Variants in LRRN2 observed in about 807,000 individuals in gnomAD.
LRRN2 encodes the protein leucine rich repeat neuronal 2.
A neutral mutation model predicts 35.7 loss-of-function variants in LRRN2; 10 were observed. The ratio of observed to expected loss-of-function variants is 0.28; its 90% CI spans 0.17 to 0.47. The LOEUF is 0.47. LRRN2 is among the 20% of genes least tolerant of loss of function. The pLI, the probability that LRRN2 is intolerant of heterozygous loss-of-function variation, is 0.99. For missense variants in LRRN2, 731 were observed against 940.3 expected, an observed-to-expected ratio of 0.78 and a Z score of 2.91; for synonymous variants, 391 against 409.6, an observed-to-expected ratio of 0.95 and a Z score of 0.55.
At chr1:204,677,305 T>C (rs1395669397) in intron 1 of LRRN2, among the ~76,000 whole-genome samples, 1 of 152,072 alleles carries the variant, frequency 6.6e-6, no homozygotes, top group Non-Finnish European at 1.5e-5. Context: ...CCCTTTCTCA[T>C]GGGGGCTGGG....
Position 204,635,926 on chromosome 1 carries a change from C to T in LRRN2, c.-226-15708G>A, listed in dbSNP as rs561942633. 4.6e-5 allele frequency among the ~76,000 whole-genome samples: 7 copies of T among 152,326 alleles called. No individual in the cohort carries two copies. The East Asian group carries it at 1.3e-3, about 29-fold the overall frequency. On this transcript the variant is annotated intron_variant, in intron 1 of 1. Coordinates refer to ENST00000367177, the MANE Select transcript of LRRN2 (RefSeq NM_201630.2). ...TGAGCATCTGTTGGCACATCGCCCTCACAGGGACAGGCAACAGCAGCAGCA... is the reference window on the plus strand; with the variant it reads ...TGAGCATCTGTTGGCACATCGCCCTTACAGGGACAGGCAACAGCAGCAGCA...
At chr1:204,633,827 T>C (rs1324516602) in intron 1 of LRRN2, among the ~76,000 whole-genome samples, 4 of 152,252 alleles carry the variant, frequency 2.6e-5, no homozygotes, top group South Asian at 4.1e-4. Flanking sequence ...TCAAGCTCCG[T>C]TGGGCCTGGG....
intron 1 of LRRN2, among the ~76,000 whole-genome samples, chr1:204,639,297 G>C (rs1036946234): frequency 4.6e-5 from 7 of 152,212 alleles, no homozygotes; most frequent in Non-Finnish European, 1.0e-4. Flanking sequence ...CTCCAGACAT[G>C]TACAGAGAAA....
At chr1:204,652,102 G>GA (rs1354312064) in intron 1 of LRRN2, among the ~76,000 whole-genome samples, 15 of 152,164 alleles carry the variant, frequency 9.9e-5, no homozygotes, top group African/African-American at 3.1e-4. Context: ...AGGAGGCTGG[G>GA]AAGCAGAGAA....
intron 1 of LRRN2, among the ~76,000 whole-genome samples, chr1:204,649,319 G>A (rs1668174788): frequency 6.6e-6 from 1 of 152,182 alleles, no homozygotes; most frequent in Admixed American, 6.5e-5. Context: ...TAGACTGTGA[G>A]GTCCTAGAGG....
At chr1:204,640,760 G>A (rs768807021) in intron 1 of LRRN2, among the ~76,000 whole-genome samples, 16 of 152,056 alleles carry the variant, frequency 1.1e-4, no homozygotes, top group Non-Finnish European at 1.9e-4. Context: ...CAACAGCTGC[G>A]GCCACTAGGT....
chr1:204,619,380 G>A lies in LRRN2; in HGVS notation c.613C>T (p.Leu205=), dbSNP rs746954547. 1.9e-6 allele frequency: 3 copies of A among 1,614,242 alleles called. No homozygotes were observed. Among genetic ancestry groups the A allele is most frequent in the Non-Finnish European group, 2.5e-6 (3 of 1,180,054 alleles). Residue 205 remains leucine, a synonymous_variant, in exon 2 of 2, where the codon CTG becomes TTG. Coordinates refer to ENST00000367177, the MANE Select transcript of LRRN2 (RefSeq NM_201630.2). ...MIGGNKVDAI[L]DMNFRPLANL... is the part of the protein sequence containing the mutation. ...GCCAGGGGCCGGAAGTTCATGTCCAGGATGGCATCTACCTTGTTGCCGCCA... is the reference window on the plus strand; with the variant it reads ...GCCAGGGGCCGGAAGTTCATGTCCAAGATGGCATCTACCTTGTTGCCGCCA...
intron 1 of LRRN2, among the ~76,000 whole-genome samples, chr1:204,623,763 T>C (rs937394609): frequency 6.6e-6 from 1 of 152,250 alleles, no homozygotes; most frequent in African/African-American, 2.4e-5. Flanking sequence ...TCCGAGCTTC[T>C]TGAGGCAGGG....
At position 204,639,206 on chromosome 1, in the gene LRRN2, A is replaced by G. The variant is rs563256895; in HGVS notation, c.-226-18988T>C. The stretch of plus-strand genomic sequence containing the variant: ...CCAGGTCCCCACTGAGCAAGGGGTG[A>G]CACGTCTTTTACTCTACAAAGATTC... On this transcript the variant is annotated intron_variant, in intron 1 of 1. Coordinates refer to ENST00000367177, the MANE Select transcript of LRRN2 (RefSeq NM_201630.2). 3.3e-5 allele frequency among the ~76,000 whole-genome samples: 5 copies of G among 152,362 alleles called. No homozygotes were observed. In the South Asian group the frequency reaches 1.0e-3, roughly 32 times the overall value.
chr1:204,624,220 C>T (rs1447187304), intron 1 of LRRN2, among the ~76,000 whole-genome samples: 1 of 152,162 alleles, frequency 6.6e-6, no homozygotes, highest in Non-Finnish European at 1.5e-5. Context: ...AGAACAACCC[C>T]CCTGGGGGAC....
intron 1 of LRRN2, among the ~76,000 whole-genome samples, chr1:204,643,419 A>G (rs1668028639): frequency 6.6e-6 from 1 of 152,154 alleles, no homozygotes; most frequent in Admixed American, 6.5e-5. Flanking sequence ...TGGCCTCCCA[A>G]AACGTTAAGT....
At chr1:204,658,308 G>A (rs944796765) in intron 1 of LRRN2, among the ~76,000 whole-genome samples, 2 of 152,142 alleles carry the variant, frequency 1.3e-5, no homozygotes, top group African/African-American at 2.4e-5. Context: ...GATTGGAAAG[G>A]GCAGGGCTTA....
At chr1:204,648,831 C>T (rs1668164710) in intron 1 of LRRN2, among the ~76,000 whole-genome samples, 1 of 152,164 alleles carries the variant, frequency 6.6e-6, no homozygotes, top group South Asian at 2.1e-4. Flanking sequence ...GGTGACCTTC[C>T]CCACTTTACA....
intron 1 of LRRN2, among the ~76,000 whole-genome samples, chr1:204,660,579 A>ACTCT (rs112179063): frequency 2.1e-4 from 20 of 95,204 alleles, no homozygotes; most frequent in East Asian, 1.7e-3. Context: ...ACACACACAC[A>ACTCT]CTCTCTCTCT....
chr1:204,627,630 G>A (rs1330757068), intron 1 of LRRN2, among the ~76,000 whole-genome samples: 5 of 152,220 alleles, frequency 3.3e-5, no homozygotes, highest in Non-Finnish European at 7.3e-5. Flanking sequence ...TGCTGTCTGC[G>A]TGCACTGCAC....
chr1:204,664,086 A>C (rs1668526485), intron 1 of LRRN2: 1 of 152,166 alleles, frequency 6.6e-6, no homozygotes, highest in African/African-American at 2.4e-5. Context: ...CTGTCTGCAG[A>C]AGGCTGGGCA....
chr1:204,679,187 A>AC (rs1345011870), intron 1 of LRRN2, among the ~76,000 whole-genome samples: 10 of 152,318 alleles, frequency 6.6e-5, no homozygotes, highest in Non-Finnish European at 1.3e-4. Context: ...GAGCCCCAGC[A>AC]GAAGGCAGGG....
Position 204,685,675 on chromosome 1 carries a change from C to A in LRRN2, c.-582G>T, listed in dbSNP as rs1055268470. On this transcript the variant is annotated 5_prime_UTR_variant, in exon 1 of 2. Transcript: ENST00000367177. ...CGCGGCGCCCGGCACCCCCTCCACG[C>A]GCGCCCCTCTTCCCGGCTTCGCGCT... 1 of 152,294 alleles carries A rather than the reference C, an allele frequency of 6.6e-6. No individual in the cohort carries two copies. The highest frequency in any genetic ancestry group is 2.1e-4 in the South Asian group (1 of 4,834). The allele number at this position is 152,294 out of a possible 1,614,324, so 9.4% of individuals were successfully genotyped here.
intron 1 of LRRN2, among the ~76,000 whole-genome samples, chr1:204,667,394 A>G (rs1375098425): frequency 2.0e-5 from 3 of 152,194 alleles, no homozygotes; most frequent in Non-Finnish European, 4.4e-5. Flanking sequence ...AAAAACAACA[A>G]TTTAAAAAAT....
Sources: gnomAD v4.1 joint callset for allele counts (sites outside exome capture counted in the v4.1 genomes callset) on GRCh38, gnomAD v4.1.1 for gene constraint, MANE v1.5 for transcripts, NCBI Gene and HGNC (gene_info 2026-07-23, HGNC 2026-07-21) for gene names.